TTC23L: variants seen among roughly 807,000 people sequenced by gnomAD.
TTC23L encodes the protein tetratricopeptide repeat protein 23-like.
TTC23L carries 42 observed loss-of-function variants against 48.1 expected under a neutral mutation model. That is an observed-to-expected ratio of 0.87 (90% CI 0.68 to 1.13). The LOEUF is 1.13. TTC23L is among the 50% of genes most tolerant of loss of function. The pLI is 0.00. For missense variants in TTC23L, 391 were observed against 421.0 expected (o/e 0.93, Z 0.62); for synonymous variants, 159 against 157.2 (o/e 1.01, Z -0.09).
rs1463626613 is a variant in TTC23L, at chr5:34,864,444, G to T, written c.544G>T (p.Glu182Ter). Residue 182 changes from glutamate (E) to a stop codon, truncating the protein, a stop_gained, in exon 6 of 11, where the codon GAA becomes TAA. Coordinates refer to ENST00000505624, the Ensembl canonical transcript of TTC23L. LOFTEE classifies it high-confidence loss of function. ...TTTCCTTGACTATTTCACTGGCAGA[G>T]AAGCCTATTTCAACCTGCAGAAGGC... The T allele has an allele frequency of 6.2e-7, 1 of 1,613,686 alleles. No individual in the cohort carries two copies.
At position 34,891,168 on chromosome 5, in the gene TTC23L, T is replaced by G. The variant is rs550317400; in HGVS notation, c.1078-5602T>G. ...AATTCTCTATCTGAAGTACAAGAGATAATATGTCAGAATGTTAAAATAAGA... is the reference window on the plus strand; with the variant it reads ...AATTCTCTATCTGAAGTACAAGAGAGAATATGTCAGAATGTTAAAATAAGA... On this transcript the variant is annotated intron_variant, in intron 9 of 10. Transcript: ENST00000505624. Among the ~76,000 whole-genome samples, 3 of 152,300 alleles carry G rather than the reference T, an allele frequency of 2.0e-5. No homozygotes were observed. The South Asian group carries it at 6.2e-4, about 32-fold the overall frequency.
At chr5:34,906,162 G>GC in the TTC23L span, 2 of 151,812 alleles carry the variant, frequency 1.3e-5, no homozygotes, top group Admixed American at 1.3e-4. Context: ...CACCATGTTG[G>GC]CCAGGCTGAT....
At chr5:34,909,360 T>C in the TTC23L span, 1 of 1,561,230 alleles carries the variant, frequency 6.4e-7, no homozygotes, top group East Asian at 2.3e-5. Flanking sequence ...AGATAACCTA[T>C]AGAAAATGAT....
intron 1 of TTC23L, among the ~76,000 whole-genome samples, chr5:34,840,241 G>GT (rs937053351): frequency 1.4e-5 from 2 of 142,788 alleles, no homozygotes; most frequent in South Asian, 2.4e-4. Context: ...TGACCCCGGG[G>GT]GGGGGGGGGA....
At chr5:34,922,071 T>C in the TTC23L span, 1 of 447,622 alleles carries the variant, frequency 2.2e-6, no homozygotes, top group Non-Finnish European at 4.0e-6. Context: ...AGGTTCCTTC[T>C]GTGAATAAAT....
the TTC23L span, chr5:34,925,274 C>G: frequency 6.2e-7 from 1 of 1,608,348 alleles, no homozygotes; most frequent in Non-Finnish European, 8.5e-7. Context: ...CAGAGAGAAA[C>G]AGCAAGTGAA....
At chr5:34,873,795 C>T (rs1761641903) in intron 8 of TTC23L, among the ~76,000 whole-genome samples, 1 of 152,120 alleles carries the variant, frequency 6.6e-6, no homozygotes, top group South Asian at 2.1e-4. Flanking sequence ...CCAAAGAAGA[C>T]TTGAAATGTG....
rs1239276233 is a variant in TTC23L at position 34,890,780 on chromosome 5, GT to G, written c.1078-5982del. ...ACAATCTGAAGACAGACTGCCTGGA[GT>G]TTTTTTTAAAAGATGAGGTCTTTCT... On this transcript the variant is annotated intron_variant, in intron 9 of 10. Transcript: ENST00000505624. Among the ~76,000 whole-genome samples the G allele has an allele frequency of 4.6e-5, 7 of 152,068 alleles. No homozygotes were observed. The East Asian group carries it at 7.8e-4, about 17-fold the overall frequency.
the TTC23L span, chr5:34,911,688 G>C: frequency 6.2e-7 from 1 of 1,614,118 alleles, no homozygotes; most frequent in Non-Finnish European, 8.5e-7. Flanking sequence ...AGAAATCAAA[G>C]TCCAGGGTCT....
chr5:34,842,718 CCT>C (rs1758789229), intron 2 of TTC23L, among the ~76,000 whole-genome samples: 2 of 152,174 alleles, frequency 1.3e-5, no homozygotes, highest in South Asian at 4.1e-4. Flanking sequence ...TCCAGCAAAC[CCT>C]CTGTCGGCAG....
At chr5:34,904,240 G>C (rs1315765012), downstream of TTC23L, among the ~76,000 whole-genome samples, 1 of 151,294 alleles carries the variant, frequency 6.6e-6, no homozygotes, top group Non-Finnish European at 1.5e-5. Context: ...AAAGTGCTGG[G>C]ACTACAGGTG....
At chr5:34,883,969 C>T (rs1368559629) in intron 9 of TTC23L, among the ~76,000 whole-genome samples, 2 of 152,158 alleles carry the variant, frequency 1.3e-5, no homozygotes, top group African/African-American at 4.8e-5. Context: ...CACTACAGGT[C>T]AATATCCCTG....
At chr5:34,872,152 G>A (rs1761514669) in intron 8 of TTC23L, among the ~76,000 whole-genome samples, 1 of 151,920 alleles carries the variant, frequency 6.6e-6, no homozygotes, top group Non-Finnish European at 1.5e-5. Context: ...GCTGGGTGTG[G>A]TAGCATGTGC....
At chr5:34,916,686 T>G in the TTC23L span, 1 of 152,180 alleles carries the variant, frequency 6.6e-6, no homozygotes, top group African/African-American at 2.4e-5. Flanking sequence ...GACATTAATT[T>G]TTGCGTCCTC....
intron 8 of TTC23L, among the ~76,000 whole-genome samples, chr5:34,873,543 T>C (rs1417840118): frequency 6.6e-6 from 1 of 151,924 alleles, no homozygotes; most frequent in East Asian, 1.9e-4. Flanking sequence ...CTTAATATGA[T>C]GAAAGGGATA....
At chr5:34,858,394 T>C (rs540447696) in intron 4 of TTC23L, among the ~76,000 whole-genome samples, 1 of 152,332 alleles carries the variant, frequency 6.6e-6, no homozygotes, top group African/African-American at 2.4e-5. Context: ...CTTTTGTCAT[T>C]ATGAATTTTT....
At chr5:34,850,369 C>T in intron 4 of TTC23L, 61 bp downstream of exon 4, 1 of 1,605,990 alleles carries the variant, frequency 6.2e-7, no homozygotes, top group Non-Finnish European at 8.5e-7. Context: ...CTGACCCACA[C>T]AACCTCAGTG....
rs1384564626 is a variant in TTC23L at position 34,863,023 on chromosome 5, A to T, written c.505A>T (p.Thr169Ser). The T allele has an allele frequency of 6.2e-7, 1 of 1,613,742 alleles. No homozygotes were observed. The highest frequency in any genetic ancestry group is 8.5e-7 in the Non-Finnish European group (1 of 1,179,838). Residue 169 changes from threonine to serine, a missense_variant, in exon 5 of 11, where the codon ACT becomes TCT. By Grantham distance (58) the Thr-to-Ser change is moderately conservative. Transcript: ENST00000505624. The surrounding 1 kb of genome is among the most constrained non-coding windows in gnomAD (Gnocchi z 4.1). ...GGAAGCTCTGGTCAAGCTGTACTAC[A>T]CTCTGGGCGTGGCCTGGCTCCTGCA...
At chr5:34,842,658 C>T (rs907568528) in intron 2 of TTC23L, among the ~76,000 whole-genome samples, 2 of 152,310 alleles carry the variant, frequency 1.3e-5, no homozygotes, top group South Asian at 4.2e-4. Context: ...CCTCAAACAA[C>T]AGGCTCTAGA....
Sources: allele counts gnomAD v4.1 joint callset (sites outside exome capture counted in the v4.1 genomes callset), GRCh38; gene constraint gnomAD v4.1.1; non-coding constraint Gnocchi (gnomAD v3.1); transcripts MANE v1.5; gene names NCBI Gene and HGNC (gene_info 2026-07-23, HGNC 2026-07-21).